The following CNTN5 variants were observed in gnomAD, a reference collection of about 807,000 sequenced individuals.
CNTN5 encodes contactin 5, also known as contactin-5.
Under a neutral mutation model 129.1 loss-of-function variants are expected in CNTN5, and 77 were observed. The observed-to-expected ratio is 0.60, with a 90% confidence interval of 0.50 to 0.72. The LOEUF (loss-of-function observed/expected upper bound fraction) is 0.72, where lower values mean the gene tolerates loss of function less well. Ranked by LOEUF, CNTN5 falls within the 30% of genes least tolerant of loss-of-function variation. The pLI is 0.00. For missense variants in CNTN5, 1,478 were observed against 1,328.8 expected (o/e 1.11, Z -1.75); for synonymous variants, 509 against 465.6 (o/e 1.09, Z -1.20).
chr11:99,597,981 A>T (rs1950175920), intron 3 of CNTN5, among the ~76,000 whole-genome samples: 1 of 152,028 alleles, frequency 6.6e-6, no homozygotes, highest in Admixed American at 6.6e-5. Flanking sequence ...GCCCTCATTG[A>T]CACCTTCCTT....
rs113160166 is a variant in CNTN5 at position 99,093,588 on chromosome 11, G to C, written c.-210+72318G>C. 1.7e-4 allele frequency among the ~76,000 whole-genome samples: 26 copies of C among 152,034 alleles called. 1 individual carries two copies. Among genetic ancestry groups the C allele is most frequent in the African/African-American group, 5.5e-4 (23 of 41,524 alleles). On this transcript the variant is annotated intron_variant, in intron 1 of 24. Transcript: ENST00000524871. The stretch of plus-strand genomic sequence containing the variant: ...AAACCAGCTAAATTTACAATGCAGA[G>C]GGTAAGAAAAGTTAACCAGAGTCCA...
intron 2 of CNTN5, among the ~76,000 whole-genome samples, chr11:99,463,393 G>A (rs1177728283): frequency 5.2e-5 from 7 of 135,814 alleles, no homozygotes; most frequent in African/African-American, 1.4e-4. Context: ...AGCCGAGATC[G>A]CGCCACTGCA....
At chr11:99,691,595 T>C (rs143818023) in intron 3 of CNTN5, among the ~76,000 whole-genome samples, 1 of 152,300 alleles carries the variant, frequency 6.6e-6, no homozygotes, top group East Asian at 1.9e-4. Context: ...CTAATTTGAT[T>C]GCACTGTGGT....
chr11:99,937,407 A>G (rs1194455913), intron 7 of CNTN5, among the ~76,000 whole-genome samples: 1 of 152,204 alleles, frequency 6.6e-6, no homozygotes, highest in Non-Finnish European at 1.5e-5. Flanking sequence ...TGGATCATTC[A>G]CTGGAACCGT....
rs1297772289 is a variant in CNTN5, at chr11:100,003,355, T to C, written c.980+1219T>C. ...TAGTTAAGCGCATAAGATTGAATAA[T>C]AGTTAAAAGTCTGGTTTGTCACCAT... On this transcript the variant is annotated intron_variant, in intron 9 of 24. Transcript: ENST00000524871. 3.3e-5 allele frequency among the ~76,000 whole-genome samples: 5 copies of C among 152,272 alleles called. 1 individual carries two copies. The highest frequency in any genetic ancestry group is 2.9e-5 in the Non-Finnish European group (2 of 68,002).
Position 100,193,655 on chromosome 11 carries a change from A to G in CNTN5, c.1876A>G (p.Ile626Val), listed in dbSNP as rs1948557961. ...FEEEGGHFESIRAQASSADLM... is the reference protein window; with the variant it reads ...FEEEGGHFESVRAQASSADLM... ...GGAAGAGGGTGGACATTTTGAAAGC[A>G]TCAGGGCCGTAAGTGAATACACTTT... is the stretch of plus-strand genomic sequence containing the variant. Residue 626 changes from isoleucine (I) to valine (V), a missense_variant, in exon 15 of 25, where the codon ATC becomes GTC. Ile to Val is a conservative substitution (Grantham distance 29). Coordinates refer to ENST00000524871, the MANE Select transcript of CNTN5 (RefSeq NM_014361.4). 1 of 1,610,620 alleles carries G rather than the reference A, an allele frequency of 6.2e-7. No homozygotes were observed. Among genetic ancestry groups the G allele is most frequent in the East Asian group, 2.2e-5 (1 of 44,712 alleles).
In CNTN5 at chr11:99,900,355, C is replaced by G. The variant is rs1949322862; in HGVS notation, c.578-15699C>G. Among the ~76,000 whole-genome samples the G allele has an allele frequency of 2.6e-5, 4 of 151,844 alleles. No individual in the cohort carries two copies. In the East Asian group the frequency reaches 7.7e-4, roughly 29 times the overall value. Reference sequence around the variant, plus strand: ...TACTGATTTATGTATATTGAGCCATCCTTGCATCTCTGGAAAAAAAACACA... The same window carrying G: ...TACTGATTTATGTATATTGAGCCATGCTTGCATCTCTGGAAAAAAAACACA... On this transcript the variant is annotated intron_variant, in intron 6 of 24. Coordinates refer to ENST00000524871, the MANE Select transcript of CNTN5 (RefSeq NM_014361.4).
chr11:100,357,943 T>C lies in CNTN5; in HGVS notation c.*1723T>C, dbSNP rs565586221. The C allele has an allele frequency of 6.6e-6, 1 of 151,940 alleles. No individual in the cohort carries two copies. The highest frequency in any genetic ancestry group is 6.6e-5 in the Admixed American group (1 of 15,206). 9.4% of individuals were successfully genotyped at this position (151,940 alleles called of 1,614,324 possible). ...ACTCACTCAATGATATTATAGTAAA[T>C]ACTACAGATGGTAAGTATTTAAGCC... On this transcript the variant is annotated 3_prime_UTR_variant, in exon 25 of 25. Coordinates refer to ENST00000524871, the MANE Select transcript of CNTN5 (RefSeq NM_014361.4).
intron 2 of CNTN5, among the ~76,000 whole-genome samples, chr11:99,523,797 A>G (rs1468561135): frequency 6.6e-6 from 1 of 152,182 alleles, no homozygotes; most frequent in African/African-American, 2.4e-5. Flanking sequence ...TGATTGAGCA[A>G]ACATAGAACA....
intron 1 of CNTN5, among the ~76,000 whole-genome samples, chr11:99,066,650 G>A (rs75029996): frequency 0.026 from 3,993 of 152,168 alleles, 143 homozygotes; most frequent in African/African-American, 0.076. Context: ...AGTGACCTAA[G>A]CCATGTATGT....
intron 2 of CNTN5, among the ~76,000 whole-genome samples, chr11:99,484,058 A>G (rs1945709850): frequency 6.6e-6 from 1 of 152,178 alleles, no homozygotes; most frequent in African/African-American, 2.4e-5. Context: ...AACAAATGGG[A>G]CTATATCTAA....
intron 3 of CNTN5, among the ~76,000 whole-genome samples, chr11:99,657,659 T>C (rs1952428535): frequency 6.6e-6 from 1 of 152,198 alleles, no homozygotes; most frequent in South Asian, 2.1e-4. Context: ...GAGTAGTTTT[T>C]AGGTACTTGA....
At chr11:99,454,482 C>G (rs1379421874) in intron 2 of CNTN5, among the ~76,000 whole-genome samples, 1 of 152,074 alleles carries the variant, frequency 6.6e-6, no homozygotes, top group Non-Finnish European at 1.5e-5. Context: ...CTCGGCACTT[C>G]TTCCTGCTGC....
chr11:100,161,769 G>A (rs988691991), intron 13 of CNTN5, among the ~76,000 whole-genome samples: 5 of 148,234 alleles, frequency 3.4e-5, no homozygotes, highest in African/African-American at 1.2e-4. Flanking sequence ...AGAGGTCAGA[G>A]GTCTGTGCTT....
chr11:99,107,938 TAAAAAAA>T (rs55786739), intron 1 of CNTN5, among the ~76,000 whole-genome samples: 1 of 103,524 alleles, frequency 9.7e-6, no homozygotes, highest in Non-Finnish European at 2.0e-5. Flanking sequence ...CTCAAAAAAG[TAAAAAAA>T]AAAAAAAAAA....
intron 3 of CNTN5, among the ~76,000 whole-genome samples, chr11:99,704,029 A>G (rs1014698807): frequency 3.3e-5 from 5 of 150,800 alleles, no homozygotes; most frequent in African/African-American, 1.2e-4. Context: ...TGAAGGCAAT[A>G]AATAATTATA....
chr11:99,598,440 C>CCCTTCCTT (rs557668024), intron 3 of CNTN5, among the ~76,000 whole-genome samples: 100 of 118,738 alleles, frequency 8.4e-4, no homozygotes, highest in South Asian at 8.0e-3. Flanking sequence ...CTCCCTCCCT[C>CCCTTCCTT]CCTTCCTTCC....
At chr11:100,304,073 C>T (rs1479091835) in intron 20 of CNTN5, among the ~76,000 whole-genome samples, 1 of 151,568 alleles carries the variant, frequency 6.6e-6, no homozygotes, top group Non-Finnish European at 1.5e-5. Flanking sequence ...CCCCATATTA[C>T]ATGAAGAACT....
At chr11:100,355,531 G>A (rs866083634) in intron 24 of CNTN5, among the ~76,000 whole-genome samples, 14 of 151,874 alleles carry the variant, frequency 9.2e-5, no homozygotes, top group South Asian at 2.1e-4. Context: ...TATCAATTAA[G>A]TACTGTACAT....
Sources: allele counts gnomAD v4.1 joint callset (sites outside exome capture counted in the v4.1 genomes callset), GRCh38; gene constraint gnomAD v4.1.1; transcripts MANE v1.5; gene names NCBI Gene and HGNC (gene_info 2026-07-23, HGNC 2026-07-21).